STAG2: variants seen among roughly 807,000 people sequenced by gnomAD.
STAG2 encodes the protein cohesin subunit SA-2.
STAG2 carries 14 observed loss-of-function variants against 108.1 expected under a neutral mutation model. That is an observed-to-expected ratio of 0.13 (90% CI 0.09 to 0.20). The LOEUF is 0.20. Among genes scored for constraint, STAG2 ranks in the 10% least tolerant of loss-of-function variants. The pLI is 1.00. For missense variants in STAG2, 440 were observed against 940.9 expected, an observed-to-expected ratio of 0.47 and a Z score of 6.96; for synonymous variants, 307 against 302.7, an observed-to-expected ratio of 1.01 and a Z score of -0.15.
At chrX:123,992,423 T>G (rs2055528059) in intron 1 of STAG2, among the ~76,000 whole-genome samples, 1 of 111,393 alleles carries the variant, frequency 9.0e-6, no homozygotes, top group Admixed American at 9.6e-5. Flanking sequence ...ATTTTTAAAT[T>G]TTACTTTTTT....
At chrX:124,092,815 G>A (rs919559367) in intron 32 of STAG2, among the ~76,000 whole-genome samples, 27 of 111,879 alleles carry the variant, frequency 2.4e-4, no homozygotes, top group African/African-American at 8.5e-4. Context: ...CTGTCACATA[G>A]TTCATACAGC....
intron 13 of STAG2, among the ~76,000 whole-genome samples, chrX:124,054,312 A>G (rs2058130110): frequency 8.9e-6 from 1 of 112,296 alleles, no homozygotes; most frequent in East Asian, 2.8e-4. Context: ...GCTCAGTGAG[A>G]TGGTAGTGGC....
rs2058843361 is a variant in STAG2 at position 124,078,020 on chromosome X, A to G, written c.2737A>G (p.Ile913Val). 8.4e-7 allele frequency: 1 copy of G among 1,197,429 alleles called. No homozygotes were observed. ...GAGTAAAACAAGGCAGATAGACAAA[A>G]TTCAGTGTGCTAAGACCCTTATTCT... ...TMSKTRQIDK[I>V]QCAKTLILSL... The change falls in exon 27 of 35, where the codon ATT becomes GTT. Residue 913 changes from isoleucine to valine, a missense_variant. Transcript: ENST00000371145.
chrX:124,061,401 A>G lies in STAG2; in HGVS notation c.1534+60A>G, dbSNP rs150123038. 895 of 818,353 alleles carry G rather than the reference A, an allele frequency of 1.1e-3. 3 individuals are homozygous for G. In the African/African-American group the frequency reaches 0.016, roughly 15 times the overall value. The allele number at this position is 818,353 out of a possible 1,213,427, so 67.4% of individuals were successfully genotyped here. A position where few individuals can be genotyped will look rare whatever the true frequency, so the allele number is the denominator to read the frequency against. On this transcript the variant is annotated intron_variant, in intron 16 of 34. Transcript: ENST00000371145. The stretch of plus-strand genomic sequence containing the variant: ...CAGTTTTGTAAGTAGATTTTTACTC[A>G]TTCCATTTATTTGTCCTTTTAGTTT...
At chrX:124,088,615 C>CTTTTTT (rs35629422) in intron 30 of STAG2, among the ~76,000 whole-genome samples, 1 of 82,287 alleles carries the variant, frequency 1.2e-5, no homozygotes, top group Non-Finnish European at 2.3e-5. Flanking sequence ...TATGTATAAT[C>CTTTTTT]TTTTTTTTTT....
rs1472089426 is a variant in STAG2 at position 124,050,133 on chromosome X, G to A, written c.894-53G>A. On this transcript the variant is annotated intron_variant, in intron 10 of 34. Coordinates refer to ENST00000371145, the MANE Select transcript of STAG2 (RefSeq NM_001042750.2). ...TTGGCATCTCTTGAATAAACCATAA[G>A]TTTTGTGGTATATTGGCACTAATTA... 1.7e-5 allele frequency: 20 copies of A among 1,171,999 alleles called. No individual in the cohort carries two copies. The East Asian group carries it at 5.5e-4, about 32-fold the overall frequency.
chrX:123,962,267 T>C (rs2053904658), intron 1 of STAG2, among the ~76,000 whole-genome samples: 1 of 111,546 alleles, frequency 9.0e-6, no homozygotes, highest in Non-Finnish European at 1.9e-5. Flanking sequence ...CAGCATCAAG[T>C]AGTTCCGCAA....
At chrX:123,981,292 G>A (rs896778412) in intron 1 of STAG2, among the ~76,000 whole-genome samples, 2 of 109,663 alleles carry the variant, frequency 1.8e-5, no homozygotes, top group African/African-American at 6.6e-5. Flanking sequence ...TTAAACAATA[G>A]GGCCCTGTTC....
At chrX:123,962,919 A>T (rs1470098242) in intron 1 of STAG2, among the ~76,000 whole-genome samples, 3 of 111,463 alleles carry the variant, frequency 2.7e-5, no homozygotes, top group African/African-American at 9.8e-5. Flanking sequence ...TGGACTCATT[A>T]TCAGCTTAAT....
chrX:124,075,126 TGAAG>T (rs1379852373), intron 25 of STAG2, among the ~76,000 whole-genome samples: 3 of 112,069 alleles, frequency 2.7e-5, no homozygotes, highest in African/African-American at 9.7e-5. Flanking sequence ...ATTAATTAAA[TGAAG>T]GAACATTCTT....
intron 13 of STAG2, among the ~76,000 whole-genome samples, chrX:124,055,635 A>G (rs1319494314): frequency 8.9e-6 from 1 of 112,394 alleles, no homozygotes; most frequent in Non-Finnish European, 1.9e-5. Context: ...GATTTTAGTT[A>G]TTTGGGAAAA....
At chrX:123,996,997 A>G (rs1489843144) in intron 1 of STAG2, among the ~76,000 whole-genome samples, 1 of 112,497 alleles carries the variant, frequency 8.9e-6, no homozygotes, top group African/African-American at 3.2e-5. Flanking sequence ...TGTTGAAAAG[A>G]CTATCTTTCT....
rs752096694 is a variant in STAG2, at chrX:124,100,555, CCTCT to C, written c.3784-9_3784-6del. ...AATGACTTTTAACGAGATTTTCTCC[CCTCT>C]CTCTCTCTCATTAGGTTCTTGGAGT... is the stretch of plus-strand genomic sequence containing the variant. On this transcript the variant is annotated splice_polypyrimidine_tract_variant and intron_variant, in intron 34 of 34. Coordinates refer to ENST00000371145, the MANE Select transcript of STAG2 (RefSeq NM_001042750.2). 17 of 1,165,482 alleles carry C rather than the reference CCTCT, an allele frequency of 1.5e-5. No homozygotes were observed. Among genetic ancestry groups the C allele is most frequent in the South Asian group, 1.8e-5 (1 of 54,210 alleles).
intron 13 of STAG2, among the ~76,000 whole-genome samples, chrX:124,053,065 C>G (rs1407508635): frequency 9.0e-6 from 1 of 111,681 alleles, no homozygotes; most frequent in Non-Finnish European, 1.9e-5. Flanking sequence ...GATCCACCTG[C>G]CTTGGCCTCC....
rs1284081514 is a variant in STAG2 at position 124,063,745 on chromosome X, C to G, written c.1822-103C>G. The stretch of plus-strand genomic sequence containing the variant: ...TAAAATGTACGCTCTGTGTTGTAGA[C>G]TTACTGTATTTGAAAATTTTTTCCA... On this transcript the variant is annotated intron_variant, in intron 19 of 34. Coordinates refer to ENST00000371145, the MANE Select transcript of STAG2 (RefSeq NM_001042750.2). 6.8e-6 allele frequency: 4 copies of G among 592,554 alleles called. No homozygotes were observed. The Admixed American group carries it at 1.2e-4, about 18-fold the overall frequency. The allele number at this position is 592,554 out of a possible 1,213,427, so 48.8% of individuals were successfully genotyped here.
At chrX:124,065,059 T>G (rs901369956) in intron 20 of STAG2, among the ~76,000 whole-genome samples, 1 of 111,908 alleles carries the variant, frequency 8.9e-6, no homozygotes, top group Non-Finnish European at 1.9e-5. Flanking sequence ...CATTTAACTT[T>G]TATTTGGTGT....
At chrX:124,004,264 G>C (rs2056189294) in intron 1 of STAG2, among the ~76,000 whole-genome samples, 1 of 111,641 alleles carries the variant, frequency 9.0e-6, no homozygotes, top group Non-Finnish European at 1.9e-5. Context: ...TCATAGTCCA[G>C]AGAAGATAAA....
chrX:124,094,354 TTGTC>T (rs2059327698), intron 33 of STAG2, among the ~76,000 whole-genome samples: 1 of 111,420 alleles, frequency 9.0e-6, no homozygotes, highest in African/African-American at 3.3e-5. Context: ...ATGATAACAA[TTGTC>T]TGTTTGTTTC....
chrX:124,031,822 C>T (rs776957824), intron 5 of STAG2, among the ~76,000 whole-genome samples: 1 of 108,814 alleles, frequency 9.2e-6, no homozygotes, highest in African/African-American at 3.4e-5. Flanking sequence ...CCTCCGCCTC[C>T]TGGGTTCAGG....
Sources: gnomAD v4.1 joint callset for allele counts (sites outside exome capture counted in the v4.1 genomes callset) on GRCh38, gnomAD v4.1.1 for gene constraint, MANE v1.5 for transcripts, NCBI Gene and HGNC (gene_info 2026-07-23, HGNC 2026-07-21) for gene names.